Variants in TET1 observed in about 807,000 individuals in gnomAD.
The protein encoded by TET1 is tet methylcytosine dioxygenase 1, also known as methylcytosine dioxygenase TET1.
A neutral mutation model predicts 148.7 loss-of-function variants in TET1; 13 were observed. That is an observed-to-expected ratio of 0.09 (90% confidence interval 0.06 to 0.14). TET1 has a LOEUF of 0.14. Among genes scored for constraint, TET1 ranks in the 10% least tolerant of loss-of-function variants. TET1 has a pLI of 1.00. For synonymous variants in TET1, 907 were observed against 937.2 expected (o/e 0.97, Z 0.59); for missense variants, 2,182 against 2,553.8 (o/e 0.85, Z 3.14).
intron 3 of TET1, among the ~76,000 whole-genome samples, chr10:68,617,692 A>C (rs1184742323): frequency 6.6e-6 from 1 of 151,728 alleles, no homozygotes; most frequent in African/African-American, 2.4e-5. Flanking sequence ...ACTTATAGGC[A>C]TGCGCCACCA....
chr10:68,579,402 A>C (rs1330091063), intron 2 of TET1, among the ~76,000 whole-genome samples: 1 of 152,120 alleles, frequency 6.6e-6, no homozygotes, highest in Non-Finnish European at 1.5e-5. Context: ...CCACCTCTCC[A>C]TTTTCTTGGC....
At chr10:68,628,942 C>CTA (rs902243953) in intron 3 of TET1, among the ~76,000 whole-genome samples, 3 of 152,128 alleles carry the variant, frequency 2.0e-5, no homozygotes, top group Admixed American at 2.0e-4. Context: ...GGTAGGGCAG[C>CTA]TAAGAAACTG....
intron 3 of TET1, among the ~76,000 whole-genome samples, chr10:68,623,142 G>A (rs767669123): frequency 4.6e-5 from 7 of 152,138 alleles, no homozygotes; most frequent in South Asian, 4.2e-4. Flanking sequence ...TCCTTTAATC[G>A]TATTTAGCAT....
At chr10:68,595,106 T>C (rs754805674) in intron 2 of TET1, among the ~76,000 whole-genome samples, 5 of 151,242 alleles carry the variant, frequency 3.3e-5, no homozygotes, top group Admixed American at 1.3e-4. Context: ...TGGGCTATGA[T>C]TGGAGCATTG....
intron 2 of TET1, among the ~76,000 whole-genome samples, chr10:68,587,117 G>A (rs2053870073): frequency 6.6e-6 from 1 of 152,182 alleles, no homozygotes. Flanking sequence ...GGTTTCCAGC[G>A]AGATGACTAT....
At position 68,639,742 on chromosome 10, in the gene TET1, AGGCG is replaced by A. The variant is rs2054714441; in HGVS notation, c.1969-4955_1969-4952del. On this transcript the variant is annotated intron_variant, in intron 3 of 11. Transcript: ENST00000373644. ...CGGCCTTCCAAAGTGCTGGGAATAC[AGGCG>A]TGAGCCACCATGCCCCGCCCTTTCT... Among the ~76,000 whole-genome samples, 3 of 152,242 alleles carry A rather than the reference AGGCG, an allele frequency of 2.0e-5. No homozygotes were observed. The South Asian group carries it at 6.2e-4, about 32-fold the overall frequency.
At chr10:68,674,641 AAT>A (rs1252743018) in intron 8 of TET1, 2 of 465,366 alleles carry the variant, frequency 4.3e-6, no homozygotes, top group East Asian at 1.1e-4. Context: ...CCTGTGACAA[AAT>A]ATGTTTCATG....
rs61255091 is a variant in TET1 at position 68,636,981 on chromosome 10, T to TGAGTGTG, written c.1969-7717_1969-7716insGAGTGTG. Among the ~76,000 whole-genome samples, 20 of 102,490 alleles carry TGAGTGTG rather than the reference T, an allele frequency of 2.0e-4. No homozygotes were observed. The South Asian group carries it at 6.8e-3, about 35-fold the overall frequency. The allele number at this position is 102,490 out of a possible 152,430, so 67.2% of individuals were successfully genotyped here. A position where few individuals can be genotyped will look rare whatever the true frequency, so the allele number is the denominator to read the frequency against. On this transcript the variant is annotated intron_variant, in intron 3 of 11. Transcript: ENST00000373644. Reference sequence around the variant, plus strand: ...CTTTTGTTTTCTATTATTTTACTCGTTGTGTGTGTGTGTGTGTGTGTGTGT... The same window carrying TGAGTGTG: ...CTTTTGTTTTCTATTATTTTACTCGTGAGTGTGTGTGTGTGTGTGTGTGTGTGTGTGT...
intron 3 of TET1, among the ~76,000 whole-genome samples, chr10:68,608,187 C>T (rs967040062): frequency 6.6e-6 from 1 of 152,128 alleles, no homozygotes; most frequent in Non-Finnish European, 1.5e-5. Flanking sequence ...CTTGGCCTCC[C>T]AAAGTGCTGG....
At chr10:68,595,393 A>G (rs1272500501) in intron 2 of TET1, among the ~76,000 whole-genome samples, 3 of 151,952 alleles carry the variant, frequency 2.0e-5, no homozygotes, top group Non-Finnish European at 2.9e-5. Flanking sequence ...TTGGAAGGAA[A>G]TTGTGTTTCG....
chr10:68,626,772 G>A (rs553719946), intron 3 of TET1, among the ~76,000 whole-genome samples: 27 of 151,972 alleles, frequency 1.8e-4, no homozygotes, highest in Non-Finnish European at 3.1e-4. Context: ...GGCTGGTCTC[G>A]AACTCCTGAC....
At chr10:68,566,092 G>A (rs1564944768) in intron 1 of TET1, among the ~76,000 whole-genome samples, 1 of 152,084 alleles carries the variant, frequency 6.6e-6, no homozygotes, top group Non-Finnish European at 1.5e-5. Context: ...AAATATGAAA[G>A]AATATAGGAG....
chr10:68,619,827 C>T (rs887248716), intron 3 of TET1, among the ~76,000 whole-genome samples: 7 of 152,132 alleles, frequency 4.6e-5, no homozygotes, highest in East Asian at 1.9e-4. Flanking sequence ...TATTATTCAG[C>T]GAGTTTTGAT....
rs117416044 is a variant in TET1, at chr10:68,677,526, G to A, written c.4825-3873G>A. 7.5e-4 allele frequency among the ~76,000 whole-genome samples: 114 copies of A among 152,290 alleles called. 1 individual carries two copies. Among genetic ancestry groups the A allele is most frequent in the Non-Finnish European group, 1.1e-3 (76 of 68,024 alleles). ...TTGACCTGGATGGAACTTATGTTCA[G>A]AAATAATGTTATTTTATTTTTTGAT... On this transcript the variant is annotated intron_variant, in intron 8 of 11. Coordinates refer to ENST00000373644, the MANE Select transcript of TET1 (RefSeq NM_030625.3).
intron 4 of TET1, among the ~76,000 whole-genome samples, chr10:68,649,155 G>A (rs2054893871): frequency 1.3e-5 from 2 of 152,168 alleles, no homozygotes; most frequent in African/African-American, 4.8e-5. Flanking sequence ...TTCAAAGAGA[G>A]GGTTTATTAT....
rs1457235484 is a variant in TET1, at chr10:68,646,507, T to C, written c.3778T>C (p.Leu1260=). Reference sequence around the variant, plus strand: ...AGAGGAAAAGGTGAAGGTTGAACCATTGGATTCACTCAGCTTATTTCATCT... The same window carrying C: ...AGAGGAAAAGGTGAAGGTTGAACCACTGGATTCACTCAGCTTATTTCATCT... ...SAEEKVKVEP[L]DSLSLFHLKT... is the part of the protein sequence containing the mutation. Residue 1260 remains leucine (L), a synonymous_variant, in exon 4 of 12, where the codon TTG becomes CTG. Coordinates refer to ENST00000373644, the MANE Select transcript of TET1 (RefSeq NM_030625.3). The C allele has an allele frequency of 4.3e-6, 7 of 1,614,032 alleles. No homozygotes were observed. Among genetic ancestry groups the C allele is most frequent in the Non-Finnish European group, 5.1e-6 (6 of 1,180,022 alleles).
chr10:68,599,108 T>A (rs1307891943), intron 2 of TET1, among the ~76,000 whole-genome samples: 1 of 152,212 alleles, frequency 6.6e-6, no homozygotes, highest in African/African-American at 2.4e-5. Flanking sequence ...GAAAGCATGC[T>A]TTTGTGGCAA....
intron 1 of TET1, among the ~76,000 whole-genome samples, chr10:68,561,255 TC>T (rs1036908978): frequency 6.6e-6 from 1 of 151,744 alleles, no homozygotes; most frequent in African/African-American, 2.4e-5. Context: ...GTTTTCTCCC[TC>T]CCCCCATATA....
chr10:68,602,019 A>T (rs2054062117), intron 3 of TET1, among the ~76,000 whole-genome samples: 1 of 152,198 alleles, frequency 6.6e-6, no homozygotes, highest in Non-Finnish European at 1.5e-5. Flanking sequence ...GTAACTTGAA[A>T]ATGTTGACAC....
Sources: allele counts gnomAD v4.1 joint callset (sites outside exome capture counted in the v4.1 genomes callset), GRCh38; gene constraint gnomAD v4.1.1; transcripts MANE v1.5; gene names NCBI Gene and HGNC (gene_info 2026-07-23, HGNC 2026-07-21).